Variants in EXT2 observed in about 807,000 individuals in gnomAD.
EXT2 encodes exostosin-2.
Under a neutral mutation model 81.6 loss-of-function variants are expected in EXT2, and 53 were observed. The ratio of observed to expected loss-of-function variants is 0.65; its 90% CI spans 0.52 to 0.82. The LOEUF is 0.82. Ranked by LOEUF, EXT2 falls within the 40% of genes least tolerant of loss-of-function variation. The pLI, the probability that EXT2 is intolerant of heterozygous loss-of-function variation, is 0.00. For missense variants in EXT2, 774 were observed against 910.2 expected, an observed-to-expected ratio of 0.85 and a Z score of 1.93; for synonymous variants, 320 against 340.0, an observed-to-expected ratio of 0.94 and a Z score of 0.65.
intron 3 of EXT2, among the ~76,000 whole-genome samples, chr11:44,112,903 C>A (rs1444462884): frequency 6.6e-6 from 1 of 152,156 alleles, no homozygotes; most frequent in Admixed American, 6.5e-5. Context: ...CCTGGCTTAC[C>A]TGGACTGCCT....
chr11:44,132,222 G>A (rs1250939000), intron 7 of EXT2, among the ~76,000 whole-genome samples: 2 of 152,236 alleles, frequency 1.3e-5, no homozygotes, highest in Non-Finnish European at 2.9e-5. Flanking sequence ...CTGTGAAAGA[G>A]AATCATTTGG....
At chr11:44,244,030 A>G in intron 13 of EXT2, 119 bp from the exon 14 acceptor site, 1 of 939,198 alleles carries the variant, frequency 1.1e-6, no homozygotes, top group African/African-American at 1.6e-5. Flanking sequence ...GTTGATGTTG[A>G]ACATTATGTA....
At chr11:44,229,676 G>T (rs538634910) in intron 10 of EXT2, among the ~76,000 whole-genome samples, 148 of 152,196 alleles carry the variant, frequency 9.7e-4, no homozygotes, top group Non-Finnish European at 1.5e-3. Context: ...TTAGGACTGT[G>T]GTCTTCACAC....
At chr11:44,112,110 A>G (rs1487239676) in intron 3 of EXT2, among the ~76,000 whole-genome samples, 2 of 152,154 alleles carry the variant, frequency 1.3e-5, no homozygotes, top group Non-Finnish European at 2.9e-5. Context: ...GATTCCATGC[A>G]TGGTTTAAAG....
chr11:44,104,137 A>C (rs1443976546), intron 1 of EXT2, among the ~76,000 whole-genome samples: 1 of 152,014 alleles, frequency 6.6e-6, no homozygotes, highest in Non-Finnish European at 1.5e-5. Context: ...CAATTTTGTC[A>C]TACATAGAAG....
At chr11:44,235,382 C>T (rs1955950500) in intron 12 of EXT2, among the ~76,000 whole-genome samples, 1 of 151,756 alleles carries the variant, frequency 6.6e-6, no homozygotes, top group South Asian at 2.1e-4. Flanking sequence ...GCTGGGACTA[C>T]AGGTGCACGC....
intron 10 of EXT2, among the ~76,000 whole-genome samples, chr11:44,229,075 G>A (rs1256018644): frequency 6.6e-6 from 1 of 152,074 alleles, no homozygotes; most frequent in African/African-American, 2.4e-5. Flanking sequence ...GTTTAGTTAT[G>A]TGTGCTTGGG....
chr11:44,234,078 A>G, intron 11 of EXT2, 37 bp from the exon 12 acceptor site: 1 of 1,613,702 alleles, frequency 6.2e-7, no homozygotes. Context: ...GGGAACTGCT[A>G]TTTTTGAATA....
intron 4 of EXT2, among the ~76,000 whole-genome samples, chr11:44,117,511 C>A (rs11037872): frequency 0.057 from 8,651 of 152,162 alleles, 377 homozygotes; most frequent in Non-Finnish European, 0.08. Context: ...GGGGGTCCAA[C>A]TTCATTCTTT....
At position 44,158,212 on chromosome 11, in the gene EXT2, A is replaced by T. The variant is rs115427910; in HGVS notation, c.1174-13399A>T. 5.0e-3 allele frequency among the ~76,000 whole-genome samples: 769 copies of T among 152,302 alleles called. 7 individuals are homozygous for T. Among genetic ancestry groups the T allele is most frequent in the African/African-American group, 0.017 (724 of 41,556 alleles). On this transcript the variant is annotated intron_variant, in intron 7 of 13. Transcript: ENST00000533608. ...ACACAAGCACCCACTTTACTGTACCAGCAGCTGGTGTATATATGTAGGCCA... is the reference window on the plus strand; with the variant it reads ...ACACAAGCACCCACTTTACTGTACCTGCAGCTGGTGTATATATGTAGGCCA...
intron 7 of EXT2, among the ~76,000 whole-genome samples, chr11:44,167,962 C>T (rs1955017209): frequency 6.7e-6 from 1 of 149,108 alleles, no homozygotes; most frequent in Admixed American, 6.7e-5. Context: ...TATCCCTCCC[C>T]CCTCCCCACT....
chr11:44,135,959 A>G (rs988753542), intron 7 of EXT2, among the ~76,000 whole-genome samples: 1 of 152,268 alleles, frequency 6.6e-6, no homozygotes, highest in Non-Finnish European at 1.5e-5. Context: ...AGAAATTACT[A>G]TTCATGGTGA....
intron 10 of EXT2, among the ~76,000 whole-genome samples, chr11:44,224,438 T>C (rs908689510): frequency 9.2e-5 from 14 of 152,062 alleles, no homozygotes; most frequent in Non-Finnish European, 1.6e-4. Context: ...ATTGAGGACA[T>C]CATCTGTTAT....
intron 8 of EXT2, among the ~76,000 whole-genome samples, chr11:44,186,980 A>C (rs1955319699): frequency 7.5e-6 from 1 of 133,600 alleles, no homozygotes; most frequent in South Asian, 2.5e-4. Flanking sequence ...CCTTGTACAA[A>C]ATTTCCTTCC....
intron 10 of EXT2, among the ~76,000 whole-genome samples, chr11:44,224,064 C>A (rs1177289050): frequency 6.6e-6 from 1 of 152,116 alleles, no homozygotes; most frequent in Non-Finnish European, 1.5e-5. Context: ...AATAGTTTTG[C>A]AAGATGTTGG....
rs1327251366 is a variant in EXT2 at position 44,220,789 on chromosome 11, C to T, written c.1663-11564C>T. On this transcript the variant is annotated intron_variant, in intron 10 of 13. Transcript: ENST00000533608. This position sits in a 1 kb window ranked among gnomAD's most constrained non-coding sequence, Gnocchi z 4.4. ...TGTGCCACGGCTGCAGCAAGTGCTG[C>T]TGAAAGAAGATCCCAAGTAGTGGGC... Among the ~76,000 whole-genome samples, 1 of 152,110 alleles carries T rather than the reference C, an allele frequency of 6.6e-6. No homozygotes were observed. The highest frequency in any genetic ancestry group is 1.5e-5 in the Non-Finnish European group (1 of 68,016).
At chr11:44,171,576 C>T (rs765837325) in intron 7 of EXT2, 35 bp from the exon 8 acceptor site, 4 of 1,613,912 alleles carry the variant, frequency 2.5e-6, no homozygotes, top group Non-Finnish European at 3.4e-6. Context: ...CTCTGTCTCG[C>T]TTGCTCACTT....
chr11:44,237,814 A>C (rs1288876406), intron 13 of EXT2, among the ~76,000 whole-genome samples: 1 of 150,946 alleles, frequency 6.6e-6, no homozygotes, highest in Non-Finnish European at 1.5e-5. Flanking sequence ...CTGTAATCCC[A>C]GCACTTTGGG....
chr11:44,187,909 A>G (rs1254857593), intron 8 of EXT2, among the ~76,000 whole-genome samples: 1 of 152,194 alleles, frequency 6.6e-6, no homozygotes, highest in Non-Finnish European at 1.5e-5. Flanking sequence ...CCATCATTCC[A>G]TCTATTATAC....
Sources: allele counts gnomAD v4.1 joint callset (sites outside exome capture counted in the v4.1 genomes callset), GRCh38; gene constraint gnomAD v4.1.1; non-coding constraint Gnocchi (gnomAD v3.1); transcripts MANE v1.5; gene names NCBI Gene and HGNC (gene_info 2026-07-23, HGNC 2026-07-21).